NCKAP5: variants seen among roughly 807,000 people sequenced by gnomAD.
NCKAP5 encodes the protein NCK associated protein 5.
NCKAP5 carries 92 observed loss-of-function variants against 167.0 expected under a neutral mutation model. The observed-to-expected ratio is 0.55, with a 90% CI of 0.47 to 0.66. NCKAP5 has a LOEUF of 0.66. Ranked by LOEUF, NCKAP5 falls within the 30% of genes least tolerant of loss-of-function variation. The pLI, the probability that NCKAP5 is intolerant of heterozygous loss-of-function variation, is 0.00. For synonymous variants in NCKAP5, 891 were observed against 877.4 expected, an observed-to-expected ratio of 1.02 and a Z score of -0.27; for missense variants, 2,378 against 2,315.0, an observed-to-expected ratio of 1.03 and a Z score of -0.56.
At chr2:132,998,510 T>C (rs2077675652) in intron 6 of NCKAP5, among the ~76,000 whole-genome samples, 1 of 152,182 alleles carries the variant, frequency 6.6e-6, no homozygotes, top group African/African-American at 2.4e-5. Flanking sequence ...AATCAAGTTG[T>C]CCTATCTTTT....
At chr2:132,839,680 C>T (rs1480670061) in intron 11 of NCKAP5, among the ~76,000 whole-genome samples, 1 of 149,890 alleles carries the variant, frequency 6.7e-6, no homozygotes. Flanking sequence ...ATTGCTTGGG[C>T]CCAAGAGGTT....
At chr2:133,328,631 T>C (rs901322715) in intron 3 of NCKAP5, among the ~76,000 whole-genome samples, 3 of 152,248 alleles carry the variant, frequency 2.0e-5, no homozygotes, top group Middle Eastern at 6.8e-3. Flanking sequence ...AATTGGAGCA[T>C]GGGAAAAATC....
intron 5 of NCKAP5, 150 bp downstream of exon 5, chr2:133,213,566 A>G: frequency 4.2e-6 from 3 of 716,710 alleles, no homozygotes; most frequent in Middle Eastern, 4.0e-4. Flanking sequence ...AGAGCTGTAT[A>G]AATTCTATTA....
At chr2:133,399,954 A>G (rs1014815348) in intron 3 of NCKAP5, among the ~76,000 whole-genome samples, 6 of 152,196 alleles carry the variant, frequency 3.9e-5, no homozygotes, top group African/African-American at 1.4e-4. Flanking sequence ...ACATAAATAT[A>G]TAAAGCAGGT....
chr2:133,080,223 A>G (rs923196480), intron 6 of NCKAP5, among the ~76,000 whole-genome samples: 1 of 152,168 alleles, frequency 6.6e-6, no homozygotes, highest in Non-Finnish European at 1.5e-5. Flanking sequence ...AAATAACAAC[A>G]ACAAAGTCAT....
chr2:133,037,795 G>T (rs2079086104), intron 6 of NCKAP5, among the ~76,000 whole-genome samples: 1 of 152,062 alleles, frequency 6.6e-6, no homozygotes, highest in East Asian at 1.9e-4. Flanking sequence ...GGACAAATGG[G>T]ATCACATCAA....
intron 4 of NCKAP5, among the ~76,000 whole-genome samples, chr2:133,265,711 G>A (rs1303480601): frequency 1.3e-5 from 2 of 152,124 alleles, no homozygotes; most frequent in South Asian, 2.1e-4. Context: ...GAGGCAGTGC[G>A]GAGGGTGGGG....
At chr2:133,400,589 T>C (rs1270604560) in intron 3 of NCKAP5, among the ~76,000 whole-genome samples, 1 of 152,042 alleles carries the variant, frequency 6.6e-6, no homozygotes, top group East Asian at 1.9e-4. Context: ...GAAGCTGAAA[T>C]TGGCAAGGAA....
chr2:132,758,918 A>C (rs1680775796), intron 16 of NCKAP5, among the ~76,000 whole-genome samples: 1 of 152,208 alleles, frequency 6.6e-6, no homozygotes, highest in African/African-American at 2.4e-5. Context: ...AACCCATCCT[A>C]ACAACTTTAA....
intron 3 of NCKAP5, among the ~76,000 whole-genome samples, chr2:133,474,738 A>T (rs926426149): frequency 6.6e-5 from 10 of 152,136 alleles, no homozygotes; most frequent in African/African-American, 2.4e-4. Context: ...CTCTCCTACT[A>T]ATTATCCTCT....
At chr2:132,921,884 A>G (rs1695462184) in intron 8 of NCKAP5, among the ~76,000 whole-genome samples, 3 of 152,172 alleles carry the variant, frequency 2.0e-5, no homozygotes, top group Admixed American at 2.0e-4. Context: ...CCATGGCCTC[A>G]GTGACTGTTT....
At chr2:133,633,320 G>A in the NCKAP5 span, among the ~76,000 whole-genome samples, 2 of 152,186 alleles carry the variant, frequency 1.3e-5, no homozygotes, top group African/African-American at 4.8e-5. Flanking sequence ...ACCCAGAACG[G>A]CCGCTTGGCC....
chr2:132,825,550 C>T (rs1174787121), intron 11 of NCKAP5, among the ~76,000 whole-genome samples: 1 of 152,144 alleles, frequency 6.6e-6, no homozygotes, highest in Non-Finnish European at 1.5e-5. Context: ...AGGACTTTTC[C>T]ATAAGGACTG....
intron 2 of NCKAP5, among the ~76,000 whole-genome samples, chr2:133,525,108 T>A (rs1684765604): frequency 6.6e-6 from 1 of 152,194 alleles, no homozygotes; most frequent in Non-Finnish European, 1.5e-5. Context: ...AAAAATTTTT[T>A]AAAATCCTAC....
At chr2:133,629,453 T>C in the NCKAP5 span, among the ~76,000 whole-genome samples, 1 of 152,106 alleles carries the variant, frequency 6.6e-6, no homozygotes, top group African/African-American at 2.4e-5. Flanking sequence ...CCAGTCAGAA[T>C]GGTGATTATT....
At chr2:133,112,481 A>G (rs2081949872) in intron 6 of NCKAP5, among the ~76,000 whole-genome samples, 1 of 152,196 alleles carries the variant, frequency 6.6e-6, no homozygotes, top group Non-Finnish European at 1.5e-5. Flanking sequence ...CTTAAAAAAA[A>G]AAAAAGTATG....
At chr2:133,083,595 T>C (rs947095735) in intron 6 of NCKAP5, among the ~76,000 whole-genome samples, 1 of 152,214 alleles carries the variant, frequency 6.6e-6, no homozygotes, top group Admixed American at 6.5e-5. Flanking sequence ...ATGGATCACG[T>C]ATCTTACCAG....
chr2:133,330,487 G>A (rs991755690), intron 3 of NCKAP5, among the ~76,000 whole-genome samples: 7 of 150,908 alleles, frequency 4.6e-5, no homozygotes, highest in Non-Finnish European at 1.0e-4. Context: ...ACATGTTGTA[G>A]CAAGCATATA....
Position 132,784,792 on chromosome 2 carries a change from C to T in NCKAP5, c.2019G>A (p.Ala673=), listed in dbSNP as rs184857554. The change falls in exon 14 of 20, where the codon GCG becomes GCA. Residue 673 remains alanine (A), a synonymous_variant. Coordinates refer to ENST00000409261, the MANE Select transcript of NCKAP5 (RefSeq NM_207363.3). ...TGAATTCAATGGGCTCACCGTCTTCCGCATCAAATATCACAGTCACACATT... is the reference window on the plus strand; with the variant it reads ...TGAATTCAATGGGCTCACCGTCTTCTGCATCAAATATCACAGTCACACATT... ...SEECVTVIFD[A]EDGEPIEFSS... 31 of 1,601,748 alleles carry T rather than the reference C, an allele frequency of 1.9e-5. No homozygotes were observed. In the African/African-American group the frequency reaches 2.1e-4, roughly 11 times the overall value.
Sources: gnomAD v4.1 joint callset for allele counts (sites outside exome capture counted in the v4.1 genomes callset) on GRCh38, gnomAD v4.1.1 for gene constraint, MANE v1.5 for transcripts, NCBI Gene and HGNC (gene_info 2026-07-23, HGNC 2026-07-21) for gene names.